The following DOCK8 variants were observed in gnomAD, a reference collection of about 807,000 sequenced individuals.
DOCK8 encodes the protein dedicator of cytokinesis 8, also known as dedicator of cytokinesis protein 8.
Under a neutral mutation model 245.6 loss-of-function variants are expected in DOCK8, and 141 were observed. That is an observed-to-expected ratio of 0.57 (90% CI 0.50 to 0.66). The LOEUF (loss-of-function observed/expected upper bound fraction) is 0.66. Ranked by LOEUF, DOCK8 falls within the 30% of genes least tolerant of loss-of-function variation. The pLI, the probability that DOCK8 is intolerant of heterozygous loss-of-function variation, is 0.00. For synonymous variants in DOCK8, 1,168 were observed against 970.2 expected, an observed-to-expected ratio of 1.20 and a Z score of -3.79; for missense variants, 2,965 against 2,603.4, an observed-to-expected ratio of 1.14 and a Z score of -3.02.
intron 43 of DOCK8, 128 bp from the exon 44 acceptor site, chr9:446,242 A>C: frequency 1.2e-6 from 1 of 813,438 alleles, no homozygotes; most frequent in East Asian, 2.4e-5. Flanking sequence ...TCTCCCCTGC[A>C]TCTGTAGCTT....
chr9:256,502 T>A (rs1369128249), intron 1 of DOCK8, among the ~76,000 whole-genome samples: 1 of 152,216 alleles, frequency 6.6e-6, no homozygotes, highest in Non-Finnish European at 1.5e-5. Flanking sequence ...TTATTGAATG[T>A]GCATGATTCC....
At chr9:268,760 G>T (rs2048090973) in intron 1 of DOCK8, among the ~76,000 whole-genome samples, 1 of 152,282 alleles carries the variant, frequency 6.6e-6, no homozygotes, top group South Asian at 2.1e-4. Context: ...GGTTGTGTTG[G>T]CCCTCCATGG....
At chr9:360,311 A>G (rs2052662269) in intron 14 of DOCK8, among the ~76,000 whole-genome samples, 1 of 146,348 alleles carries the variant, frequency 6.8e-6, no homozygotes, top group Non-Finnish European at 1.5e-5. Context: ...GCAAGACTCC[A>G]TCTCAAAATT....
At chr9:464,088 A>G (rs2057899254) in intron 47 of DOCK8, 71 bp from the exon 48 acceptor site, 2 of 1,343,020 alleles carry the variant, frequency 1.5e-6, no homozygotes, top group Non-Finnish European at 2.1e-6. Flanking sequence ...CCCTTTCTAA[A>G]AGGCTAACTG....
chr9:356,043 C>T (rs959617952), intron 14 of DOCK8, among the ~76,000 whole-genome samples: 2 of 152,312 alleles, frequency 1.3e-5, no homozygotes, highest in Non-Finnish European at 2.9e-5. Context: ...ACATGGGGCT[C>T]TAGCTGGTGA....
chr9:421,361 C>T (rs1280270209), intron 32 of DOCK8, among the ~76,000 whole-genome samples: 2 of 152,292 alleles, frequency 1.3e-5, no homozygotes, highest in East Asian at 3.9e-4. Flanking sequence ...GAATGTCAGT[C>T]ATGGATGAGG....
intron 28 of DOCK8, among the ~76,000 whole-genome samples, chr9:413,412 T>G (rs1390182331): frequency 4.2e-5 from 6 of 141,864 alleles, no homozygotes; most frequent in Middle Eastern, 7.1e-3. Context: ...ATAACTGGAC[T>G]TCAGTAAAAT....
rs892370983 is a variant in DOCK8, at chr9:376,196, T to A, written c.2110-14T>A. On this transcript the variant is annotated splice_polypyrimidine_tract_variant and intron_variant, in intron 18 of 47. Coordinates refer to ENST00000432829, the MANE Select transcript of DOCK8 (RefSeq NM_203447.4). The stretch of plus-strand genomic sequence containing the variant: ...AATTGGATTGCTAATCTTTTTTTTT[T>A]CTCTTTAACACAGAAAGTCCCATTA... 3 of 1,573,654 alleles carry A rather than the reference T, an allele frequency of 1.9e-6. No homozygotes were observed.
At chr9:334,757 A>G (rs1186594454) in intron 11 of DOCK8, among the ~76,000 whole-genome samples, 1 of 152,174 alleles carries the variant, frequency 6.6e-6, no homozygotes. Flanking sequence ...CCTAAAAAAA[A>G]AAGCCTCTGT....
At chr9:215,334 C>T (rs774085204) in intron 1 of DOCK8, 35 of 1,602,114 alleles carry the variant, frequency 2.2e-5, no homozygotes, top group Admixed American at 1.0e-4. Context: ...TACAGGTGGC[C>T]GGGTCCCAGA....
intron 1 of DOCK8, among the ~76,000 whole-genome samples, chr9:248,732 A>C (rs1000455014): frequency 1.3e-5 from 2 of 152,102 alleles, no homozygotes; most frequent in Non-Finnish European, 2.9e-5. Context: ...ATTCACCAAC[A>C]TGAATTGGTT....
At chr9:448,245 A>G (rs986950483) in intron 44 of DOCK8, among the ~76,000 whole-genome samples, 2 of 152,130 alleles carry the variant, frequency 1.3e-5, no homozygotes, top group Non-Finnish European at 2.9e-5. Flanking sequence ...GGCTTGTGCC[A>G]CCATGCCCAG....
intron 31 of DOCK8, 82 bp downstream of exon 31, chr9:420,665 G>A (rs1225901148): frequency 3.9e-6 from 6 of 1,536,472 alleles, no homozygotes; most frequent in Non-Finnish European, 5.4e-6. Context: ...CCTTTGTTTG[G>A]GCCATGGAGG....
At chr9:218,193 T>C (rs1291908111) in intron 1 of DOCK8, among the ~76,000 whole-genome samples, 1 of 152,208 alleles carries the variant, frequency 6.6e-6, no homozygotes. Context: ...CATTAGTACA[T>C]TCAGCATGTG....
intron 1 of DOCK8, among the ~76,000 whole-genome samples, chr9:220,407 C>A (rs1025926159): frequency 6.6e-6 from 1 of 152,040 alleles, no homozygotes; most frequent in African/African-American, 2.4e-5. Context: ...GGAAAGAAAA[C>A]GTAGTAACAT....
chr9:400,121 G>A (rs866115684), intron 26 of DOCK8, among the ~76,000 whole-genome samples: 1 of 13,438 alleles, frequency 7.4e-5, no homozygotes, highest in Non-Finnish European at 1.3e-4. Flanking sequence ...ACCACCACCA[G>A]CATCTTCACC....
chr9:462,941 C>G (rs2057851926), intron 46 of DOCK8, among the ~76,000 whole-genome samples: 2 of 152,136 alleles, frequency 1.3e-5, no homozygotes, highest in Admixed American at 1.3e-4. Context: ...GTTTCAGAAA[C>G]AAAATAGAGA....
At chr9:461,963 ATTTT>A (rs1161054674) in intron 46 of DOCK8, among the ~76,000 whole-genome samples, 1 of 128,734 alleles carries the variant, frequency 7.8e-6, no homozygotes, top group Non-Finnish European at 1.7e-5. Context: ...CCTTTTATTT[ATTTT>A]CTTTTTTTTT....
intron 26 of DOCK8, among the ~76,000 whole-genome samples, chr9:403,827 T>C (rs774430480): frequency 1.1e-4 from 17 of 148,064 alleles, no homozygotes; most frequent in Non-Finnish European, 2.5e-4. Context: ...ATCATGCCAC[T>C]GCACTCCAGT....
Sources: gnomAD v4.1 joint callset for allele counts (sites outside exome capture counted in the v4.1 genomes callset) on GRCh38, gnomAD v4.1.1 for gene constraint, MANE v1.5 for transcripts, NCBI Gene and HGNC (gene_info 2026-07-23, HGNC 2026-07-21) for gene names.